ARMC12: variants seen among roughly 807,000 people sequenced by gnomAD.
The protein encoded by ARMC12 is armadillo repeat containing 12.
Under a neutral mutation model 37.4 loss-of-function variants are expected in ARMC12, and 25 were observed. The observed-to-expected ratio is 0.67, with a 90% CI of 0.49 to 0.93. The LOEUF (loss-of-function observed/expected upper bound fraction) is 0.93. Ranked by LOEUF, ARMC12 falls within the 40% of genes least tolerant of loss-of-function variation. The pLI is 0.00. For synonymous variants in ARMC12, 167 were observed against 176.1 expected (o/e 0.95, Z 0.41); for missense variants, 384 against 426.6 (o/e 0.90, Z 0.88).
At chr6:35,738,651 A>G in intron 3 of ARMC12, 133 bp downstream of exon 3, 1 of 1,267,876 alleles carries the variant, frequency 7.9e-7, no homozygotes, top group South Asian at 1.5e-5. Context: ...TAAGTGGGAA[A>G]ACGGTGGTCA....
At chr6:35,734,950 G>A (rs1766922478), upstream of ARMC12, 2 of 152,164 alleles carry the variant, frequency 1.3e-5, no homozygotes, top group Non-Finnish European at 1.5e-5. Flanking sequence ...GAATGACTCT[G>A]CCTCTAATCT....
rs767308601 is a variant in ARMC12, at chr6:35,748,892, G to A, written c.*22G>A. 6.4e-6 allele frequency: 10 copies of A among 1,567,526 alleles called. No individual in the cohort carries two copies. The highest frequency in any genetic ancestry group is 1.4e-5 in the African/African-American group (1 of 73,270). On this transcript the variant is annotated 3_prime_UTR_variant, in exon 6 of 6. Coordinates refer to ENST00000373866, the MANE Select transcript of ARMC12 (RefSeq NM_001286574.2). ...ATAAAATTAAGGAGAGCCAATAAAT[G>A]AGTATAGGAGAGAAACTTGAAGTTT... is the stretch of plus-strand genomic sequence containing the variant.
At chr6:35,745,511 G>T (rs1269480012) in intron 3 of ARMC12, among the ~76,000 whole-genome samples, 1 of 152,220 alleles carries the variant, frequency 6.6e-6, no homozygotes, top group African/African-American at 2.4e-5. Flanking sequence ...GGTCTCTTGA[G>T]ATAGATCTTT....
At chr6:35,740,345 T>TA (rs1767127174) in intron 3 of ARMC12, among the ~76,000 whole-genome samples, 1 of 152,032 alleles carries the variant, frequency 6.6e-6, no homozygotes, top group Non-Finnish European at 1.5e-5. Flanking sequence ...TGGCCAGTGA[T>TA]AGTCTCAATC....
At chr6:35,738,611 T>C (rs1028065771) in intron 3 of ARMC12, 93 bp downstream of exon 3, 166 of 1,503,874 alleles carry the variant, frequency 1.1e-4, no homozygotes, top group Non-Finnish European at 1.4e-4. Flanking sequence ...TTCCAGAAGT[T>C]TGTTTGGGTG....
At chr6:35,736,501 C>T (rs1561917346), upstream of ARMC12, among the ~76,000 whole-genome samples, 1 of 152,224 alleles carries the variant, frequency 6.6e-6, no homozygotes, top group African/African-American at 2.4e-5. Context: ...CTGGAGCTAC[C>T]TGCTGGGGTC....
In ARMC12 at chr6:35,747,348, C is replaced by A; in HGVS notation, c.532C>A (p.Pro178Thr). ...IAGLRLLNNL[P>T]LPDYVHPQLR... is the part of the protein sequence containing the mutation. ...GGGCCTCAGACTCCTCAACAACCTT[C>A]CACTGCCCGACTATGTGCATCCACA... The change falls in exon 4 of 6, where the codon CCA becomes ACA. Residue 178 changes from proline (P) to threonine (T), a missense_variant. Pro to Thr is a conservative substitution (Grantham distance 38). Coordinates refer to ENST00000373866, the MANE Select transcript of ARMC12 (RefSeq NM_001286574.2). 2 of 1,614,178 alleles carry A rather than the reference C, an allele frequency of 1.2e-6. No homozygotes were observed. Among genetic ancestry groups the A allele is most frequent in the Non-Finnish European group, 1.7e-6 (2 of 1,180,040 alleles).
intron 1 of ARMC12, among the ~76,000 whole-genome samples, chr6:35,737,735 T>G (rs1767014874): frequency 6.6e-6 from 1 of 152,180 alleles, no homozygotes; most frequent in African/African-American, 2.4e-5. Context: ...GGAATATCAT[T>G]GCCACATACT....
chr6:35,743,749 C>T (rs1384559104), intron 3 of ARMC12, among the ~76,000 whole-genome samples: 4 of 129,034 alleles, frequency 3.1e-5, no homozygotes, highest in Admixed American at 1.6e-4. Flanking sequence ...AAATAAAAGG[C>T]GGGGGGTGGA....
At chr6:35,746,403 A>G (rs972469868) in intron 3 of ARMC12, among the ~76,000 whole-genome samples, 5 of 152,186 alleles carry the variant, frequency 3.3e-5, no homozygotes, top group African/African-American at 9.7e-5. Context: ...TCCAAGACAT[A>G]ATAGGGAGAG....
chr6:35,742,364 C>T (rs903428100), intron 3 of ARMC12, among the ~76,000 whole-genome samples: 3 of 151,460 alleles, frequency 2.0e-5, no homozygotes, highest in African/African-American at 4.9e-5. Context: ...GACGTGGTGG[C>T]GGGCACCTGT....
At chr6:35,737,849 G>GGTGCC (rs1767019259) in intron 1 of ARMC12, 178 bp from the exon 2 acceptor site, 2 of 744,516 alleles carry the variant, frequency 2.7e-6, no homozygotes, top group Non-Finnish European at 4.5e-6. Context: ...CATTAGATAG[G>GGTGCC]GTGCCCTTGT....
At chr6:35,732,138 C>G (rs529280511), upstream of ARMC12, among the ~76,000 whole-genome samples, 1 of 152,286 alleles carries the variant, frequency 6.6e-6, no homozygotes, top group Admixed American at 6.5e-5. Context: ...CCGCCGCAAC[C>G]TCCTCCTCTG....
intron 3 of ARMC12, among the ~76,000 whole-genome samples, chr6:35,747,024 G>A (rs181528094): frequency 8.4e-4 from 111 of 132,766 alleles, no homozygotes; most frequent in African/African-American, 3.3e-3. Flanking sequence ...TAGAAAAGAG[G>A]AGGTTGGGCA....
At chr6:35,736,393 T>C (rs1039829455), upstream of ARMC12, among the ~76,000 whole-genome samples, 3 of 152,092 alleles carry the variant, frequency 2.0e-5, no homozygotes, top group Admixed American at 2.0e-4. Flanking sequence ...GGAACAGGGT[T>C]GTCAATGGGC....
intron 3 of ARMC12, among the ~76,000 whole-genome samples, chr6:35,740,764 A>G (rs1767138774): frequency 6.6e-6 from 1 of 152,192 alleles, no homozygotes; most frequent in South Asian, 2.1e-4. Flanking sequence ...CAGATAATAA[A>G]GAGGTAAAAT....
chr6:35,739,615 C>T (rs1167550957), intron 3 of ARMC12, among the ~76,000 whole-genome samples: 2 of 152,226 alleles, frequency 1.3e-5, no homozygotes, highest in Admixed American at 1.3e-4. Flanking sequence ...GTAATTTTGT[C>T]ATGCTTTAAG....
chr6:35,747,321 G>T lies in ARMC12; in HGVS notation c.505G>T (p.Ala169Ser). The change falls in exon 4 of 6, where the codon GCG becomes TCG. Residue 169 changes from alanine (A) to serine (S), a missense_variant. Physicochemically the swap from Ala to Ser is moderately conservative, Grantham distance 99. Transcript: ENST00000373866. ...CATCTGGGACACGGAACTGCACATT[G>T]CGGGCCTCAGACTCCTCAACAACCT... The part of the protein sequence containing the change: ...STIWDTELHI[A>S]GLRLLNNLPL... The T allele has an allele frequency of 6.2e-7, 1 of 1,613,916 alleles. No individual in the cohort carries two copies. Among genetic ancestry groups the T allele is most frequent in the South Asian group, 1.1e-5 (1 of 91,076 alleles).
upstream of ARMC12, chr6:35,735,622 C>G (rs1370191015): frequency 2.0e-5 from 3 of 152,176 alleles, no homozygotes; most frequent in Non-Finnish European, 4.4e-5. The surrounding 1 kb of genome is among the most constrained non-coding windows in gnomAD (Gnocchi z 4.0). Context: ...AGGTGAACAC[C>G]TGTTCTGGTG....
Sources: allele counts gnomAD v4.1 joint callset (sites outside exome capture counted in the v4.1 genomes callset), GRCh38; gene constraint gnomAD v4.1.1; non-coding constraint Gnocchi (gnomAD v3.1); transcripts MANE v1.5; gene names NCBI Gene and HGNC (gene_info 2026-07-23, HGNC 2026-07-21).